Variants in COL5A2 observed in about 807,000 individuals in gnomAD.
COL5A2 encodes the protein collagen type V alpha 2 chain.
In COL5A2, 23 loss-of-function variants were observed where a neutral mutation model predicts 208.2. That is an observed-to-expected ratio of 0.11 (90% CI 0.08 to 0.16). The LOEUF is 0.16. Ranked by LOEUF, COL5A2 falls within the 10% of genes least tolerant of loss-of-function variation. The probability of loss-of-function intolerance (pLI) is 1.00; values close to 1 mark genes in which losing one functional copy is unlikely to be tolerated. For synonymous variants in COL5A2, 625 were observed against 628.5 expected (o/e 0.99, Z 0.08); for missense variants, 1,590 against 1,956.4 (o/e 0.81, Z 3.53).
At chr2:189,267,432 A>G in the COL5A2 span, among the ~76,000 whole-genome samples, 1 of 152,172 alleles carries the variant, frequency 6.6e-6, no homozygotes, top group Non-Finnish European at 1.5e-5. Context: ...CAAAACATTC[A>G]TCTTGCAAAA....
intron 1 of COL5A2, among the ~76,000 whole-genome samples, chr2:189,119,215 T>A (rs1311378017): frequency 6.6e-6 from 1 of 151,908 alleles, no homozygotes; most frequent in East Asian, 1.9e-4. Flanking sequence ...TCTCTACTTG[T>A]AGGGAGAACA....
intron 1 of COL5A2, among the ~76,000 whole-genome samples, chr2:189,178,851 C>A (rs980072177): frequency 2.0e-5 from 3 of 152,088 alleles, no homozygotes; most frequent in Non-Finnish European, 2.9e-5. Flanking sequence ...GTTAATCAAG[C>A]CAGTAGGGTG....
At chr2:189,099,404 C>T (rs1452727504) in intron 4 of COL5A2, among the ~76,000 whole-genome samples, 2 of 152,060 alleles carry the variant, frequency 1.3e-5, no homozygotes, top group Non-Finnish European at 2.9e-5. Context: ...GTGGGTGGAT[C>T]ACTTGAGGTC....
At chr2:189,128,652 T>C (rs1687653860) in intron 1 of COL5A2, among the ~76,000 whole-genome samples, 1 of 151,966 alleles carries the variant, frequency 6.6e-6, no homozygotes, top group Non-Finnish European at 1.5e-5. Flanking sequence ...TTGTATTTTT[T>C]AGAAGCATCT....
intron 8 of COL5A2, among the ~76,000 whole-genome samples, chr2:189,088,377 T>C (rs1207147906): frequency 1.3e-5 from 2 of 152,226 alleles, no homozygotes; most frequent in Non-Finnish European, 2.9e-5. Flanking sequence ...GTTCTGCTTT[T>C]TATTTATAAA....
chr2:189,237,172 T>A, the COL5A2 span, among the ~76,000 whole-genome samples: 2 of 151,796 alleles, frequency 1.3e-5, no homozygotes, highest in Admixed American at 6.6e-5. Flanking sequence ...AAGATTTTTT[T>A]AAATGTATAC....
At chr2:189,090,012 A>G (rs1213854553) in intron 7 of COL5A2, among the ~76,000 whole-genome samples, 1 of 152,180 alleles carries the variant, frequency 6.6e-6, no homozygotes, top group Non-Finnish European at 1.5e-5. Context: ...CTCTCACTTT[A>G]CATTGTAAGC....
the COL5A2 span, among the ~76,000 whole-genome samples, chr2:189,426,908 G>C: frequency 6.6e-6 from 1 of 152,200 alleles, no homozygotes; most frequent in Non-Finnish European, 1.5e-5. Flanking sequence ...ATCTAAAAGG[G>C]AAGCAAAGTG....
the COL5A2 span, among the ~76,000 whole-genome samples, chr2:189,319,185 A>G: frequency 2.6e-5 from 4 of 152,396 alleles, no homozygotes; most frequent in Middle Eastern, 6.8e-3. Context: ...TTAAAGAAAG[A>G]GACTGCAAGA....
chr2:189,421,528 T>C, the COL5A2 span, among the ~76,000 whole-genome samples: 2 of 152,006 alleles, frequency 1.3e-5, no homozygotes, highest in Admixed American at 1.3e-4. Context: ...AGCCACCATC[T>C]GCTTGGGGGA....
At chr2:189,439,255 C>T in the COL5A2 span, among the ~76,000 whole-genome samples, 1 of 152,170 alleles carries the variant, frequency 6.6e-6, no homozygotes, top group East Asian at 1.9e-4. Flanking sequence ...CAGTAACATA[C>T]AGATTTTGTT....
chr2:189,182,832 G>A (rs1488723758), upstream of COL5A2, among the ~76,000 whole-genome samples: 25 of 152,018 alleles, frequency 1.6e-4, no homozygotes. Context: ...AAGAAAAATT[G>A]TCTCAGCGCC....
intron 1 of COL5A2, among the ~76,000 whole-genome samples, chr2:189,119,030 C>A (rs1385007303): frequency 6.6e-6 from 1 of 151,960 alleles, no homozygotes; most frequent in Non-Finnish European, 1.5e-5. Flanking sequence ...TGCATAATTG[C>A]ATGGAAGCCA....
At chr2:189,038,145 T>G (rs1685480426) in intron 51 of COL5A2, among the ~76,000 whole-genome samples, 1 of 152,100 alleles carries the variant, frequency 6.6e-6, no homozygotes, top group Admixed American at 6.6e-5. Context: ...GTAGTGAGCA[T>G]AGTATCCAAT....
rs2153506504 is a variant in COL5A2 at position 189,039,363 on chromosome 2, C to T, written c.3834G>A (p.Gln1278=). The stretch of plus-strand genomic sequence containing the variant: ...CATCGGGGCTGCGCATGGTTTCAAT[C>T]TGACTACTGAGTGACTTCAGGGTAG... The part of the protein sequence containing the change: ...VHATLKSLSS[Q]IETMRSPDGS... Residue 1278 remains glutamine, a synonymous_variant, in exon 51 of 54, where the codon CAG becomes CAA. Coordinates refer to ENST00000374866, the MANE Select transcript of COL5A2 (RefSeq NM_000393.5). The T allele has an allele frequency of 6.2e-7, 1 of 1,614,078 alleles. No homozygotes were observed. Among genetic ancestry groups the T allele is most frequent in the Non-Finnish European group, 8.5e-7 (1 of 1,180,024 alleles).
the COL5A2 span, among the ~76,000 whole-genome samples, chr2:189,333,934 A>G: frequency 6.6e-6 from 1 of 151,996 alleles, no homozygotes; most frequent in Non-Finnish European, 1.5e-5. Flanking sequence ...AGACTGCAAA[A>G]AAAAAAAAGA....
chr2:189,247,071 G>A, the COL5A2 span, among the ~76,000 whole-genome samples: 4 of 151,718 alleles, frequency 2.6e-5, no homozygotes, highest in Non-Finnish European at 2.9e-5. Flanking sequence ...TGGAGGAAAC[G>A]TTTCTGTCAG....
intron 1 of COL5A2, among the ~76,000 whole-genome samples, chr2:189,176,438 G>C (rs990232892): frequency 6.6e-6 from 1 of 151,924 alleles, no homozygotes; most frequent in Admixed American, 6.6e-5. Context: ...AAAGCATTGA[G>C]GTTTACAGTA....
the COL5A2 span, among the ~76,000 whole-genome samples, chr2:189,300,408 A>G: frequency 6.6e-6 from 1 of 152,176 alleles, no homozygotes; most frequent in African/African-American, 2.4e-5. Flanking sequence ...GTTATCATCT[A>G]TATTTTCTTC....
Sources: allele counts gnomAD v4.1 joint callset (sites outside exome capture counted in the v4.1 genomes callset), GRCh38; gene constraint gnomAD v4.1.1; transcripts MANE v1.5; gene names NCBI Gene and HGNC (gene_info 2026-07-23, HGNC 2026-07-21).